The following TNKS variants were observed in gnomAD, a reference collection of about 807,000 sequenced individuals.
TNKS encodes poly [ADP-ribose] polymerase tankyrase-1.
A neutral mutation model predicts 135.8 loss-of-function variants in TNKS; 72 were observed. The observed-to-expected ratio is 0.53, with a 90% CI of 0.44 to 0.64. The LOEUF is 0.64. Ranked by LOEUF, TNKS falls within the 30% of genes least tolerant of loss-of-function variation. The pLI, the probability that TNKS is intolerant of heterozygous loss-of-function variation, is 0.00. For missense variants in TNKS, 1,769 were observed against 1,674.0 expected (o/e 1.06, Z -0.99); for synonymous variants, 849 against 649.3 (o/e 1.31, Z -4.68).
intron 1 of TNKS, among the ~76,000 whole-genome samples, chr8:9,559,841 G>C (rs1797254997): frequency 6.6e-6 from 1 of 152,114 alleles, no homozygotes; most frequent in Admixed American, 6.5e-5. Context: ...TCCTATCTTG[G>C]ATTGTGATAA....
At chr8:9,772,793 ATGTGTGTGTGTGTGTT>A (rs1419203097) in intron 26 of TNKS, among the ~76,000 whole-genome samples, 1 of 123,756 alleles carries the variant, frequency 8.1e-6, no homozygotes, top group African/African-American at 3.2e-5. Context: ...TTTGGGGAGA[ATGTGTGTGTGTGTGTT>A]TGTGTGTGTG....
intron 2 of TNKS, among the ~76,000 whole-genome samples, chr8:9,612,835 A>G (rs1225254262): frequency 1.5e-5 from 2 of 137,550 alleles, no homozygotes; most frequent in African/African-American, 5.6e-5. Flanking sequence ...TTTCGATAAC[A>G]TAAACAGTCA....
chr8:9,765,807 G>A lies in TNKS; in HGVS notation c.3553+10G>A, dbSNP rs368627447. 1.4e-5 allele frequency: 22 copies of A among 1,611,662 alleles called. No homozygotes were observed. Among genetic ancestry groups the A allele is most frequent in the South Asian group, 3.3e-5 (3 of 90,916 alleles). On this transcript the variant is annotated intron_variant, in intron 24 of 26. Coordinates refer to ENST00000310430, the MANE Select transcript of TNKS (RefSeq NM_003747.3). Reference sequence around the variant, plus strand: ...CGCATGTTGTTTCATGGTAAGCAGCGTGGCAGGGACGGTGGACGTCTCCCT... The same window carrying A: ...CGCATGTTGTTTCATGGTAAGCAGCATGGCAGGGACGGTGGACGTCTCCCT...
intron 22 of TNKS, among the ~76,000 whole-genome samples, chr8:9,763,937 A>G (rs1015778273): frequency 6.6e-6 from 1 of 152,166 alleles, no homozygotes; most frequent in Non-Finnish European, 1.5e-5. Flanking sequence ...TTCCCAGGCT[A>G]GGAACTTGCA....
intron 14 of TNKS, among the ~76,000 whole-genome samples, chr8:9,731,715 C>T (rs1392630450): frequency 2.6e-5 from 4 of 152,072 alleles, no homozygotes; most frequent in African/African-American, 7.2e-5. Flanking sequence ...CTTGAATAGT[C>T]TTCCCATATC....
intron 3 of TNKS, among the ~76,000 whole-genome samples, chr8:9,661,585 A>C (rs1351678687): frequency 6.6e-6 from 1 of 152,226 alleles, no homozygotes; most frequent in Non-Finnish European, 1.5e-5. Flanking sequence ...AAATTAATTC[A>C]AGATGGATTA....
chr8:9,630,272 C>T (rs573845630), intron 3 of TNKS, among the ~76,000 whole-genome samples: 15 of 152,292 alleles, frequency 9.8e-5, no homozygotes, highest in African/African-American at 2.9e-4. Flanking sequence ...GATCATTCCG[C>T]CAGTGGGTGC....
At chr8:9,772,821 G>T (rs1278335726) in intron 26 of TNKS, among the ~76,000 whole-genome samples, 2 of 89,272 alleles carry the variant, frequency 2.2e-5, no homozygotes, top group Non-Finnish European at 4.2e-5. Flanking sequence ...GTGTGTGTGT[G>T]TGTGTGTGTC....
At chr8:9,674,827 C>A (rs1802469016) in intron 3 of TNKS, among the ~76,000 whole-genome samples, 1 of 152,112 alleles carries the variant, frequency 6.6e-6, no homozygotes, top group Admixed American at 6.5e-5. Context: ...AATTTAAGGA[C>A]AACAAACAAC....
chr8:9,599,194 A>T (rs1798921270), intron 2 of TNKS, among the ~76,000 whole-genome samples: 1 of 152,156 alleles, frequency 6.6e-6, no homozygotes, highest in South Asian at 2.1e-4. Flanking sequence ...GGCACAAATG[A>T]ATTCATTGTT....
intron 9 of TNKS, 150 bp from the exon 10 acceptor site, chr8:9,709,805 A>G (rs532451330): frequency 7.9e-6 from 5 of 636,004 alleles, no homozygotes; most frequent in South Asian, 6.2e-5. Context: ...TAGAAAGAAT[A>G]TGGATCATCT....
In TNKS at chr8:9,767,857, G is replaced by A. The variant is rs370797622; in HGVS notation, c.3740+1432G>A. On this transcript the variant is annotated intron_variant, in intron 25 of 26. Coordinates refer to ENST00000310430, the MANE Select transcript of TNKS (RefSeq NM_003747.3). Reference sequence around the variant, plus strand: ...GCTTGTAGTCCAAGCTACTCGGGAGGCTGAGGCAGGAGAATGGTGAGTACC... The same window carrying A: ...GCTTGTAGTCCAAGCTACTCGGGAGACTGAGGCAGGAGAATGGTGAGTACC... Among the ~76,000 whole-genome samples the A allele has an allele frequency of 1.5e-4, 23 of 151,818 alleles. No individual in the cohort carries two copies. The East Asian group carries it at 1.6e-3, about 10-fold the overall frequency.
intron 26 of TNKS, among the ~76,000 whole-genome samples, chr8:9,770,507 C>T (rs1807763844): frequency 6.6e-6 from 1 of 152,238 alleles, no homozygotes; most frequent in African/African-American, 2.4e-5. Flanking sequence ...GAAACAAAGG[C>T]TTGGGCCCTC....
intron 2 of TNKS, among the ~76,000 whole-genome samples, chr8:9,595,126 AT>A (rs33914315): frequency 0.12 from 16,774 of 144,980 alleles, 1,109 homozygotes; most frequent in African/African-American, 0.2. Context: ...CTGAATTGGT[AT>A]TTTTTTTTTT....
chr8:9,701,986 G>C (rs1006761767), intron 5 of TNKS, among the ~76,000 whole-genome samples: 2 of 152,180 alleles, frequency 1.3e-5, no homozygotes, highest in African/African-American at 4.8e-5. Context: ...AATAGTTTCT[G>C]TTGCCACCAG....
At chr8:9,743,799 G>A (rs979633760) in intron 17 of TNKS, among the ~76,000 whole-genome samples, 5 of 152,134 alleles carry the variant, frequency 3.3e-5, no homozygotes, top group Non-Finnish European at 5.9e-5. Context: ...CACAGTTCCT[G>A]TACTAAGCCA....
intron 2 of TNKS, among the ~76,000 whole-genome samples, chr8:9,612,893 A>G (rs2128764299): frequency 6.6e-6 from 1 of 152,342 alleles, no homozygotes; most frequent in African/African-American, 2.4e-5. Flanking sequence ...TTCTTATAGT[A>G]AAGCAAGCTA....
At chr8:9,631,387 A>G (rs190833777) in intron 3 of TNKS, among the ~76,000 whole-genome samples, 5 of 152,358 alleles carry the variant, frequency 3.3e-5, no homozygotes, top group African/African-American at 1.2e-4. Flanking sequence ...TTTTGTGAGT[A>G]TACTTTCACA....
chr8:9,594,779 C>G (rs547263000), intron 2 of TNKS, among the ~76,000 whole-genome samples: 7 of 152,114 alleles, frequency 4.6e-5, no homozygotes, highest in Non-Finnish European at 8.8e-5. Context: ...AAAGAATATC[C>G]TTTTCATTAC....
Sources: allele counts gnomAD v4.1 joint callset (sites outside exome capture counted in the v4.1 genomes callset), GRCh38; gene constraint gnomAD v4.1.1; transcripts MANE v1.5; gene names NCBI Gene and HGNC (gene_info 2026-07-23, HGNC 2026-07-21).